NCKAP5: variants seen among roughly 807,000 people sequenced by gnomAD.
NCKAP5 encodes the protein nck-associated protein 5.
In NCKAP5, 92 loss-of-function variants were observed where a neutral mutation model predicts 167.0. The ratio of observed to expected loss-of-function variants is 0.55; its 90% CI spans 0.47 to 0.66. The LOEUF (loss-of-function observed/expected upper bound fraction) is 0.66, where lower values mean the gene tolerates loss of function less well. NCKAP5 is among the 30% of genes least tolerant of loss of function. The pLI is 0.00. For synonymous variants in NCKAP5, 891 were observed against 877.4 expected, an observed-to-expected ratio of 1.02 and a Z score of -0.27; for missense variants, 2,378 against 2,315.0, an observed-to-expected ratio of 1.03 and a Z score of -0.56.
intron 19 of NCKAP5, among the ~76,000 whole-genome samples, chr2:132,705,306 C>A (rs182192274): frequency 3.9e-5 from 6 of 152,126 alleles, no homozygotes; most frequent in Admixed American, 3.3e-4. Flanking sequence ...TATCTATACC[C>A]TTTTATAGCA....
intron 6 of NCKAP5, among the ~76,000 whole-genome samples, chr2:133,080,758 G>A (rs2080775428): frequency 6.6e-6 from 1 of 152,050 alleles, no homozygotes; most frequent in Non-Finnish European, 1.5e-5. Context: ...GTGGAGTAAA[G>A]CAAATACAAA....
the NCKAP5 span, among the ~76,000 whole-genome samples, chr2:133,619,251 C>G: frequency 6.9e-6 from 1 of 145,176 alleles, no homozygotes; most frequent in African/African-American, 2.5e-5. Flanking sequence ...TACATGTATA[C>G]ATATGTAACT....
At chr2:133,258,561 T>C (rs1448585631) in intron 4 of NCKAP5, among the ~76,000 whole-genome samples, 2 of 152,060 alleles carry the variant, frequency 1.3e-5, no homozygotes, top group Non-Finnish European at 2.9e-5. Flanking sequence ...CTGTGCAACA[T>C]GGCAAAACCC....
chr2:133,506,664 T>C (rs1438482663), intron 3 of NCKAP5, among the ~76,000 whole-genome samples: 3 of 152,198 alleles, frequency 2.0e-5, no homozygotes, highest in African/African-American at 7.2e-5. Context: ...AGCCACTTTC[T>C]AGGCCTAGTG....
the NCKAP5 span, among the ~76,000 whole-genome samples, chr2:133,614,904 G>C: frequency 6.6e-6 from 1 of 152,164 alleles, no homozygotes; most frequent in African/African-American, 2.4e-5. Flanking sequence ...AGAGAGAAAG[G>C]TCGGGCTACC....
chr2:133,171,763 G>T (rs985104895), intron 5 of NCKAP5, among the ~76,000 whole-genome samples: 4 of 152,278 alleles, frequency 2.6e-5, no homozygotes, highest in Non-Finnish European at 5.9e-5. Flanking sequence ...TGCAACCAAG[G>T]CTAAGTGGTG....
chr2:133,570,832 A>C (rs930245488), upstream of NCKAP5, among the ~76,000 whole-genome samples: 3 of 152,160 alleles, frequency 2.0e-5, no homozygotes, highest in Admixed American at 6.5e-5. Context: ...GAGCTTAGAA[A>C]GCTCTAACCC....
chr2:133,463,364 C>T lies in NCKAP5; in HGVS notation c.69+54094G>A, dbSNP rs190330963. On this transcript the variant is annotated intron_variant, in intron 3 of 19. Coordinates refer to ENST00000409261, the MANE Select transcript of NCKAP5 (RefSeq NM_207363.3). ...AATGGCCATGTGGTAGATGTTTGCC[C>T]TTTTGTGATTCACAAATAGTGTTTT... 8.9e-3 allele frequency among the ~76,000 whole-genome samples: 1,351 copies of T among 152,216 alleles called. 8 individuals are homozygous for T. The highest frequency in any genetic ancestry group is 0.014 in the Non-Finnish European group (948 of 68,028).
At chr2:133,212,154 A>C (rs1325297971) in intron 5 of NCKAP5, among the ~76,000 whole-genome samples, 1 of 152,218 alleles carries the variant, frequency 6.6e-6, no homozygotes, top group Non-Finnish European at 1.5e-5. Context: ...GACCTACGAA[A>C]GTTAAGTTAC....
intron 5 of NCKAP5, among the ~76,000 whole-genome samples, chr2:133,188,085 T>C (rs1356700912): frequency 6.6e-6 from 1 of 152,114 alleles, no homozygotes; most frequent in African/African-American, 2.4e-5. Flanking sequence ...TCTTTACAAT[T>C]TGGCATGTTT....
chr2:133,590,449 G>A, the NCKAP5 span, among the ~76,000 whole-genome samples: 48 of 150,072 alleles, frequency 3.2e-4, 1 homozygote, highest in South Asian at 4.9e-3. Flanking sequence ...GCGTGAACCC[G>A]GGAGGCAGAG....
the NCKAP5 span, among the ~76,000 whole-genome samples, chr2:133,599,320 G>A: frequency 6.6e-6 from 1 of 152,194 alleles, no homozygotes; most frequent in Non-Finnish European, 1.5e-5. Context: ...AGGACCCAGA[G>A]GGGAAGAGTA....
intron 5 of NCKAP5, among the ~76,000 whole-genome samples, chr2:133,169,624 C>A (rs1035826784): frequency 2.0e-5 from 3 of 152,200 alleles, no homozygotes; most frequent in African/African-American, 7.2e-5. Flanking sequence ...GACTGCTGAG[C>A]CTGATGCTTT....
chr2:132,781,984 A>G lies in NCKAP5; in HGVS notation c.4827T>C (p.Val1609=). 6.2e-7 allele frequency: 1 copy of G among 1,613,846 alleles called. No homozygotes were observed. Among genetic ancestry groups the G allele is most frequent in the Non-Finnish European group, 8.5e-7 (1 of 1,179,854 alleles). The change falls in exon 14 of 20, where the codon GTT becomes GTC. Residue 1609 remains valine (V), a synonymous_variant. Coordinates refer to ENST00000409261, the MANE Select transcript of NCKAP5 (RefSeq NM_207363.3). ...TGAAGGTGTCTTTCGTTGAACATGCAACAGGGCTGTGTCTATTCCTTGGTT... is the reference window on the plus strand; with the variant it reads ...TGAAGGTGTCTTTCGTTGAACATGCGACAGGGCTGTGTCTATTCCTTGGTT... The part of the protein sequence containing the change: ...KIEPRNRHSP[V]ACSTKDTFMT...
chr2:132,900,995 A>AG (rs1693584489), intron 8 of NCKAP5, among the ~76,000 whole-genome samples: 1 of 150,940 alleles, frequency 6.6e-6, no homozygotes, highest in African/African-American at 2.4e-5. Context: ...AAAAAAAAAA[A>AG]GAACACCAGA....
chr2:133,212,128 T>C (rs772892466), intron 5 of NCKAP5, among the ~76,000 whole-genome samples: 19 of 152,238 alleles, frequency 1.2e-4, no homozygotes, highest in Non-Finnish European at 2.1e-4. Context: ...CTTCCCATTT[T>C]AAAGATGAGG....
At chr2:132,756,984 A>G (rs909962206) in intron 16 of NCKAP5, among the ~76,000 whole-genome samples, 2 of 152,204 alleles carry the variant, frequency 1.3e-5, no homozygotes, top group Non-Finnish European at 2.9e-5. Context: ...AGCTTTTATA[A>G]TCAAACAATA....
In NCKAP5 at chr2:132,784,148, G is replaced by A. The variant is rs754193473; in HGVS notation, c.2663C>T (p.Pro888Leu). Residue 888 changes from proline to leucine, a missense_variant, in exon 14 of 20, where the codon CCC becomes CTC. Pro to Leu is a moderately conservative substitution (Grantham distance 98). Transcript: ENST00000409261. ...MPSRRDWVQC[P>L]KSQTPGSRSR... is the part of the protein sequence containing the mutation. ...CCGTGACCCTGGAGTCTGACTCTTGGGGCACTGGACCCAGTCCCTCCTGCT... is the reference window on the plus strand; with the variant it reads ...CCGTGACCCTGGAGTCTGACTCTTGAGGCACTGGACCCAGTCCCTCCTGCT... 1.3e-6 allele frequency: 2 copies of A among 1,526,912 alleles called. No homozygotes were observed. The highest frequency in any genetic ancestry group is 1.8e-6 in the Non-Finnish European group (2 of 1,140,228). 94.6% of individuals were successfully genotyped at this position (1,526,912 alleles called of 1,614,324 possible). A position where few individuals can be genotyped will look rare whatever the true frequency, so the allele number is the denominator to read the frequency against.
intron 5 of NCKAP5, among the ~76,000 whole-genome samples, chr2:133,138,522 C>A (rs553049444): frequency 3.3e-5 from 5 of 152,138 alleles, no homozygotes; most frequent in Admixed American, 6.5e-5. Context: ...TTTCATCAGT[C>A]TAAGTGTCAT....
Sources: gnomAD v4.1 joint callset for allele counts (sites outside exome capture counted in the v4.1 genomes callset) on GRCh38, gnomAD v4.1.1 for gene constraint, MANE v1.5 for transcripts, NCBI Gene and HGNC (gene_info 2026-07-23, HGNC 2026-07-21) for gene names.